The following RNF19B variants were observed in gnomAD, a reference collection of about 807,000 sequenced individuals.
RNF19B encodes ring finger protein 19B, also known as E3 ubiquitin-protein ligase RNF19B.
A neutral mutation model predicts 65.5 loss-of-function variants in RNF19B; 23 were observed. That is an observed-to-expected ratio of 0.35 (90% CI 0.25 to 0.50). The LOEUF is 0.50. Among genes scored for constraint, RNF19B ranks in the 20% least tolerant of loss-of-function variants. The pLI is 0.98. For synonymous variants in RNF19B, 372 were observed against 379.6 expected (o/e 0.98, Z 0.23); for missense variants, 794 against 980.0 (o/e 0.81, Z 2.53).
chr1:32,947,780 T>TACGTGAAGTGTAAAGTACTG (rs1642401613), intron 3 of RNF19B, among the ~76,000 whole-genome samples: 1 of 152,014 alleles, frequency 6.6e-6, no homozygotes, highest in Non-Finnish European at 1.5e-5. Context: ...ATAAGATAGG[T>TACGTGAAGTGTAAAGTACTG]ACGTGAAGTG....
intron 8 of RNF19B, among the ~76,000 whole-genome samples, chr1:32,938,140 CAAAAAAAAAA>C (rs80176999): frequency 4.3e-5 from 2 of 46,044 alleles, no homozygotes; most frequent in African/African-American, 1.7e-4. Context: ...CCAAGAAAGA[CAAAAAAAAAA>C]AAAAAAAAAA....
chr1:32,963,664 G>A (rs1642825061), intron 1 of RNF19B, among the ~76,000 whole-genome samples: 1 of 151,236 alleles, frequency 6.6e-6, no homozygotes, highest in African/African-American at 2.4e-5. Flanking sequence ...GTTGCAGTGA[G>A]CCGAGATCGC....
chr1:32,958,971 A>G lies in RNF19B; in HGVS notation c.635+5080T>C, dbSNP rs568825644. 1.2e-4 allele frequency among the ~76,000 whole-genome samples: 19 copies of G among 152,146 alleles called. 1 individual carries two copies. The South Asian group carries it at 3.9e-3, about 32-fold the overall frequency. On this transcript the variant is annotated intron_variant, in intron 1 of 8. Transcript: ENST00000235150. ...TGGTGTGGAGTTGGGGAATGCAGGG[A>G]AAAGTTGTGGAACAGGAGGTATGGA... is the stretch of plus-strand genomic sequence containing the variant.
downstream of RNF19B, among the ~76,000 whole-genome samples, chr1:32,931,844 T>C (rs1444867834): frequency 6.6e-6 from 1 of 152,230 alleles, no homozygotes; most frequent in Non-Finnish European, 1.5e-5. Context: ...TGCCAACGTC[T>C]TTTCTCCAAA....
At chr1:32,963,718 CA>C (rs1029749203) in intron 1 of RNF19B, among the ~76,000 whole-genome samples, 44 of 105,814 alleles carry the variant, frequency 4.2e-4, no homozygotes, top group Admixed American at 5.0e-4. Flanking sequence ...ACTCCGTCTC[CA>C]AAAAAAAAAA....
chr1:32,964,629 T>G lies in RNF19B; in HGVS notation c.57A>C (p.Ala19=), dbSNP rs1424261429. The G allele has an allele frequency of 1.2e-5, 17 of 1,472,524 alleles. No homozygotes were observed. The highest frequency in any genetic ancestry group is 1.3e-5 in the Non-Finnish European group (15 of 1,115,980). The allele number at this position is 1,472,524 out of a possible 1,614,324, so 91.2% of individuals were successfully genotyped here. Reference sequence around the variant, plus strand: ...CGCCGCTGCGGCACTTAGGGTCGGGTGCGGCCGCATGTAGCGATGTGGAGC... The same window carrying G: ...CGCCGCTGCGGCACTTAGGGTCGGGGGCGGCCGCATGTAGCGATGTGGAGC... The part of the protein sequence containing the change: ...SPRSTSLHAA[A]PDPKCRSGGR... The change falls in exon 1 of 9, where the codon GCA becomes GCC. Residue 19 remains alanine (A), a synonymous_variant. Transcript: ENST00000235150. The surrounding 1 kb of genome is among the most constrained non-coding windows in gnomAD (Gnocchi z 6.5).
chr1:32,954,795 T>C (rs928901293), intron 1 of RNF19B, among the ~76,000 whole-genome samples: 3 of 150,636 alleles, frequency 2.0e-5, no homozygotes, highest in African/African-American at 7.3e-5. Flanking sequence ...AATGGAGGTA[T>C]AGGTACTTGT....
rs1480638476 is a variant in RNF19B, at chr1:32,949,627, A to C, written c.783T>G (p.Thr261=). 21 of 1,613,868 alleles carry C rather than the reference A, an allele frequency of 1.3e-5. No homozygotes were observed. The highest frequency in any genetic ancestry group is 1.4e-5 in the Non-Finnish European group (16 of 1,180,038). ...CDMARQQRAQ[T]LRVRTKHTSG... is the part of the protein sequence containing the mutation. ...AAGTGTGTTTGGTCCGAACTCGTAA[A>C]GTCTGGGCCCTCTGTTGACGGGCCA... Residue 261 remains threonine, a synonymous_variant, in exon 2 of 9, where the codon ACT becomes ACG. Transcript: ENST00000235150.
At position 32,964,161 on chromosome 1, in the gene RNF19B, G is replaced by A; in HGVS notation, c.525C>T (p.Ile175=). ...GCGGCGGGTCGGCGAGCAGCAAGCGGATGTCGTGCGGGTTGAGTCGCTCGC... is the reference window on the plus strand; with the variant it reads ...GCGGCGGGTCGGCGAGCAGCAAGCGAATGTCGTGCGGGTTGAGTCGCTCGC... The part of the protein sequence containing the change: ...ECSERLNPHD[I]RLLLADPPLM... The change falls in exon 1 of 9, where the codon ATC becomes ATT. Residue 175 remains isoleucine (I), a synonymous_variant. Coordinates refer to ENST00000235150, the MANE Select transcript of RNF19B (RefSeq NM_001300826.2). The surrounding 1 kb of genome is among the most constrained non-coding windows in gnomAD (Gnocchi z 6.5). 1.9e-6 allele frequency: 3 copies of A among 1,545,036 alleles called. No homozygotes were observed. The highest frequency in any genetic ancestry group is 1.7e-6 in the Non-Finnish European group (2 of 1,144,746).
chr1:32,950,112 G>C (rs1287133892), intron 1 of RNF19B, among the ~76,000 whole-genome samples: 1 of 152,152 alleles, frequency 6.6e-6, no homozygotes, highest in Non-Finnish European at 1.5e-5. Flanking sequence ...TGGGATTACA[G>C]GTGCAAGCCA....
chr1:32,962,624 T>A (rs1642799057), intron 1 of RNF19B, among the ~76,000 whole-genome samples: 1 of 152,186 alleles, frequency 6.6e-6, no homozygotes, highest in Admixed American at 6.5e-5. Context: ...TCATGGAGAT[T>A]TCAAAACCAC....
the RNF19B span, among the ~76,000 whole-genome samples, chr1:32,930,181 C>G: frequency 6.9e-6 from 1 of 145,362 alleles, no homozygotes; most frequent in Non-Finnish European, 1.5e-5. Flanking sequence ...ATGATCTCAG[C>G]TCACTGCAAC....
intron 1 of RNF19B, among the ~76,000 whole-genome samples, chr1:32,951,811 T>C (rs1157361534): frequency 6.6e-6 from 1 of 152,116 alleles, no homozygotes; most frequent in Non-Finnish European, 1.5e-5. Flanking sequence ...TCTTTTTTTT[T>C]TTTTGAGACA....
At chr1:32,933,431 T>C (rs563380734), downstream of RNF19B, among the ~76,000 whole-genome samples, 9 of 151,986 alleles carry the variant, frequency 5.9e-5, no homozygotes, top group Non-Finnish European at 1.0e-4. Flanking sequence ...ATTTTGTGTA[T>C]TTTTAGTAGA....
rs77125311 is a variant in RNF19B at position 32,957,253 on chromosome 1, C to T, written c.635+6798G>A. Reference sequence around the variant, plus strand: ...CTCCTGGGCTCAACTAATCCTCCCACCTCAGCCTCCTAAGCAGCTGGGACC... The same window carrying T: ...CTCCTGGGCTCAACTAATCCTCCCATCTCAGCCTCCTAAGCAGCTGGGACC... On this transcript the variant is annotated intron_variant, in intron 1 of 8. Transcript: ENST00000235150. Among the ~76,000 whole-genome samples, 495 of 152,258 alleles carry T rather than the reference C, an allele frequency of 3.3e-3. 12 individuals carry two copies. In the East Asian group the frequency reaches 0.078, roughly 24 times the overall value.
chr1:32,943,635 T>C (rs1303894414), intron 6 of RNF19B, among the ~76,000 whole-genome samples: 4 of 151,846 alleles, frequency 2.6e-5, no homozygotes, highest in South Asian at 2.1e-4. Context: ...GAAATTCCCA[T>C]TTAAATGGGG....
intron 7 of RNF19B, among the ~76,000 whole-genome samples, chr1:32,939,195 T>C (rs2124110267): frequency 6.6e-6 from 1 of 152,208 alleles, no homozygotes; most frequent in African/African-American, 2.4e-5. Context: ...TTATTTATTA[T>C]TATTTGTTTT....
chr1:32,944,080 A>G lies in RNF19B; in HGVS notation c.1341T>C (p.Val447=). 6.2e-7 allele frequency: 1 copy of G among 1,613,706 alleles called. No individual in the cohort carries two copies. The highest frequency in any genetic ancestry group is 8.5e-7 in the Non-Finnish European group (1 of 1,179,678). The change falls in exon 6 of 9, where the codon GTT becomes GTC. Residue 447 remains valine, a synonymous_variant. Transcript: ENST00000235150. ...ISLCRGGGCG[V]STANGKGVKI... is the part of the protein sequence containing the mutation. ...TCACTCCTTTTCCGTTGGCTGTGCT[A>G]ACTCCACAGCCGCCTCCACGACAAA... is the stretch of plus-strand genomic sequence containing the variant.
intron 1 of RNF19B, among the ~76,000 whole-genome samples, chr1:32,955,292 A>G (rs185308108): frequency 2.0e-5 from 3 of 152,210 alleles, no homozygotes; most frequent in Non-Finnish European, 4.4e-5. Context: ...TCTGCTCTAA[A>G]GCAATCTTTT....
Sources: gnomAD v4.1 joint callset for allele counts (sites outside exome capture counted in the v4.1 genomes callset) on GRCh38, gnomAD v4.1.1 for gene constraint, Gnocchi (gnomAD v3.1) non-coding constraint, MANE v1.5 for transcripts, NCBI Gene and HGNC (gene_info 2026-07-23, HGNC 2026-07-21) for gene names.